Variants in PCDHA10 observed in about 807,000 individuals in gnomAD.
PCDHA10 encodes protocadherin alpha 10.
A neutral mutation model predicts 61.2 loss-of-function variants in PCDHA10; 45 were observed. The ratio of observed to expected loss-of-function variants is 0.74; its 90% CI spans 0.58 to 0.94. The LOEUF is 0.94. Among genes scored for constraint, PCDHA10 ranks in the 40% least tolerant of loss-of-function variants. The pLI is 0.00. For missense variants in PCDHA10, 1,278 were observed against 1,236.2 expected (o/e 1.03, Z -0.51); for synonymous variants, 602 against 548.8 (o/e 1.10, Z -1.35).
Position 141,010,117 on chromosome 5 carries a change from T to C in PCDHA10, c.*180T>C. Reference sequence around the variant, plus strand: ...TTTAACAGGTTTTGTCGTAAAAGCTTTACTAAGTCTGGTGTTAACTCTTTC... The same window carrying C: ...TTTAACAGGTTTTGTCGTAAAAGCTCTACTAAGTCTGGTGTTAACTCTTTC... On this transcript the variant is annotated 3_prime_UTR_variant, in exon 4 of 4. Transcript: ENST00000307360. 1 of 1,608,612 alleles carries C rather than the reference T, an allele frequency of 6.2e-7. No individual in the cohort carries two copies. The highest frequency in any genetic ancestry group is 8.5e-7 in the Non-Finnish European group (1 of 1,177,044).
In PCDHA10 at chr5:140,968,789, G is replaced by A. The variant is rs782339889; in HGVS notation, c.2389-10160G>A. 16 of 1,614,060 alleles carry A rather than the reference G, an allele frequency of 9.9e-6. No individual in the cohort carries two copies. In the African/African-American group the frequency reaches 1.7e-4, roughly 18 times the overall value. On this transcript the variant is annotated intron_variant, in intron 1 of 3. Transcript: ENST00000307360. The stretch of plus-strand genomic sequence containing the variant: ...AGAGCCATCACTATCAGCCTCTGTG[G>A]CCATTACAGTAGCTGTGGTGGATAG...
chr5:140,898,671 G>A lies in PCDHA10; in HGVS notation c.2388+40235G>A, dbSNP rs1419362877. 2.2e-4 allele frequency among the ~76,000 whole-genome samples: 33 copies of A among 152,200 alleles called. No homozygotes were observed. The East Asian group carries it at 2.3e-3, about 11-fold the overall frequency. On this transcript the variant is annotated intron_variant, in intron 1 of 3. Transcript: ENST00000307360. ...TGGCTTAGGATTGACTTGGTGTTGCGGGCTGTTTTTTGGTTCCATATGAAC... is the reference window on the plus strand; with the variant it reads ...TGGCTTAGGATTGACTTGGTGTTGCAGGCTGTTTTTTGGTTCCATATGAAC...
Position 140,863,052 on chromosome 5 carries a change from C to A in PCDHA10, c.2388+4616C>A, listed in dbSNP as rs782611491. On this transcript the variant is annotated intron_variant, in intron 1 of 3. Transcript: ENST00000307360. ...CAGCTGCATCTGTCAGCTGGCAGCA[C>A]CCGTTCCACGTGGGGCTCTGCACGG... The A allele has an allele frequency of 3.2e-5, 18 of 562,664 alleles. No individual in the cohort carries two copies. The East Asian group carries it at 8.4e-4, about 26-fold the overall frequency. 34.9% of individuals were successfully genotyped at this position (562,664 alleles called of 1,614,324 possible).
chr5:140,925,267 G>C (rs931372584), intron 1 of PCDHA10, among the ~76,000 whole-genome samples: 14 of 152,060 alleles, frequency 9.2e-5, no homozygotes, highest in Non-Finnish European at 1.9e-4. Flanking sequence ...CTTGATCTGT[G>C]TTCAGATTTT....
intron 1 of PCDHA10, among the ~76,000 whole-genome samples, chr5:140,887,455 A>T (rs1334702818): frequency 6.6e-6 from 1 of 152,134 alleles, no homozygotes; most frequent in Non-Finnish European, 1.5e-5. Flanking sequence ...ACAGTTTTTT[A>T]AAAGATATAA....
At chr5:140,883,237 T>C in intron 1 of PCDHA10, 2 of 1,614,044 alleles carry the variant, frequency 1.2e-6, no homozygotes, top group Non-Finnish European at 1.7e-6. Context: ...TGGAGGCAGT[T>C]GACAAAGGAA....
intron 1 of PCDHA10, among the ~76,000 whole-genome samples, chr5:140,945,813 C>G (rs10477097): frequency 1.1e-4 from 16 of 152,202 alleles, no homozygotes; most frequent in African/African-American, 3.6e-4. Context: ...TTATCTCACA[C>G]TGTATACAAA....
At position 140,877,134 on chromosome 5, in the gene PCDHA10, C is replaced by A. The variant is rs1339173132; in HGVS notation, c.2388+18698C>A. 17 of 1,613,712 alleles carry A rather than the reference C, an allele frequency of 1.1e-5. No homozygotes were observed. Among genetic ancestry groups the A allele is most frequent in the Admixed American group, 6.7e-5 (4 of 60,000 alleles). ...GCAGCAACGTGACGCTGCAGGTGTTCGTGCTGGACGAGAACGACAACGCGC... is the reference window on the plus strand; with the variant it reads ...GCAGCAACGTGACGCTGCAGGTGTTAGTGCTGGACGAGAACGACAACGCGC... On this transcript the variant is annotated intron_variant, in intron 1 of 3. Transcript: ENST00000307360.
chr5:140,928,158 AC>A, intron 1 of PCDHA10: 7 of 1,614,066 alleles, frequency 4.3e-6, no homozygotes, highest in Non-Finnish European at 5.9e-6. Flanking sequence ...ATAGTGGCTC[AC>A]CCCCACTTAG....
At chr5:140,969,359 C>A (rs1554231722) in intron 1 of PCDHA10, 2 of 1,611,118 alleles carry the variant, frequency 1.2e-6, no homozygotes, top group Admixed American at 3.4e-5. Flanking sequence ...GGGTCTTCTA[C>A]AAACTCATGC....
At chr5:140,891,838 A>G (rs1479578181) in intron 1 of PCDHA10, among the ~76,000 whole-genome samples, 1 of 152,164 alleles carries the variant, frequency 6.6e-6, no homozygotes, top group African/African-American at 2.4e-5. Context: ...AAAGGACTTG[A>G]TGGAAGGAGC....
At chr5:140,877,697 C>A in intron 1 of PCDHA10, 2 of 1,613,912 alleles carry the variant, frequency 1.2e-6, no homozygotes, top group Non-Finnish European at 1.7e-6. Context: ...CTGGTGTGCT[C>A]CAGCGCCGTG....
intron 1 of PCDHA10, chr5:140,967,346 G>C (rs1332345482): frequency 6.2e-7 from 1 of 1,607,970 alleles, no homozygotes; most frequent in Non-Finnish European, 8.5e-7. Context: ...CGAGCACTTC[G>C]AGCTGGACCT....
chr5:140,916,211 G>C (rs1373329073), intron 1 of PCDHA10, among the ~76,000 whole-genome samples: 4 of 152,182 alleles, frequency 2.6e-5, no homozygotes, highest in Non-Finnish European at 5.9e-5. Flanking sequence ...CCCTGGGGAA[G>C]ATCCAAATAT....
At chr5:140,992,208 A>G (rs2097499240) in intron 3 of PCDHA10, among the ~76,000 whole-genome samples, 1 of 152,150 alleles carries the variant, frequency 6.6e-6, no homozygotes, top group African/African-American at 2.4e-5. Context: ...AATCAGATAA[A>G]CTACTCTCCC....
intron 1 of PCDHA10, among the ~76,000 whole-genome samples, chr5:140,932,642 T>G (rs2088501803): frequency 6.6e-6 from 1 of 151,860 alleles, no homozygotes. Context: ...AACTTTAGAA[T>G]GATGAAACTA....
intron 1 of PCDHA10, chr5:140,866,970 A>T (rs545469392): frequency 6.6e-6 from 1 of 152,296 alleles, no homozygotes; most frequent in African/African-American, 2.4e-5. Flanking sequence ...GTGACATCTG[A>T]AATATCACAG....
At chr5:140,897,785 A>G (rs1246213890) in intron 1 of PCDHA10, among the ~76,000 whole-genome samples, 1 of 152,148 alleles carries the variant, frequency 6.6e-6, no homozygotes, top group Non-Finnish European at 1.5e-5. Context: ...CAATGGTTGA[A>G]CTAGTTTAGA....
At chr5:140,966,248 G>C (rs2095985597) in intron 1 of PCDHA10, 2 of 322,664 alleles carry the variant, frequency 6.2e-6, no homozygotes, top group Non-Finnish European at 5.6e-6. Context: ...AAGCAGGGGA[G>C]AGACGGTGGA....
Sources: gnomAD v4.1 joint callset for allele counts (sites outside exome capture counted in the v4.1 genomes callset) on GRCh38, gnomAD v4.1.1 for gene constraint, MANE v1.5 for transcripts, NCBI Gene and HGNC (gene_info 2026-07-23, HGNC 2026-07-21) for gene names.